The following ADAMTS12 variants were observed in gnomAD, a reference collection of about 807,000 sequenced individuals.
ADAMTS12 encodes the protein ADAM metallopeptidase with thrombospondin type 1 motif 12, also known as A disintegrin and metalloproteinase with thrombospondin motifs 12.
A neutral mutation model predicts 167.8 loss-of-function variants in ADAMTS12; 118 were observed. The observed-to-expected ratio is 0.70, with a 90% CI of 0.61 to 0.82. The LOEUF (loss-of-function observed/expected upper bound fraction) is 0.82. Ranked by LOEUF, ADAMTS12 falls within the 40% of genes least tolerant of loss-of-function variation. The pLI, the probability that ADAMTS12 is intolerant of heterozygous loss-of-function variation, is 0.00. For missense variants in ADAMTS12, 1,916 were observed against 1,998.8 expected (o/e 0.96, Z 0.79); for synonymous variants, 704 against 716.9 (o/e 0.98, Z 0.29).
chr5:33,654,874 T>TTGTGTGTGTGTGTGTGTGTGTG (rs34219097), intron 7 of ADAMTS12, among the ~76,000 whole-genome samples: 1 of 141,568 alleles, frequency 7.1e-6, no homozygotes, highest in African/African-American at 2.7e-5. Flanking sequence ...GTGGGTGATT[T>TTGTGTGTGTGTGTGTGTGTGTG]TGTGTGTGTG....
intron 2 of ADAMTS12, among the ~76,000 whole-genome samples, chr5:33,802,372 T>C (rs1455624284): frequency 6.6e-6 from 1 of 152,182 alleles, no homozygotes; most frequent in Non-Finnish European, 1.5e-5. Flanking sequence ...AGTACAACAT[T>C]GGATCCTAAT....
intron 2 of ADAMTS12, among the ~76,000 whole-genome samples, chr5:33,796,128 A>G (rs2112465108): frequency 6.6e-6 from 1 of 152,362 alleles, no homozygotes; most frequent in South Asian, 2.1e-4. Context: ...GCACATACGT[A>G]CTGTGGATAT....
chr5:33,680,510 TTC>T (rs1245977418), intron 5 of ADAMTS12, among the ~76,000 whole-genome samples: 1 of 1,218 alleles, frequency 8.2e-4, no homozygotes, highest in Non-Finnish European at 9.6e-3. Flanking sequence ...AGCTTTCTTC[TTC>T]TTTTTTTTTG....
In ADAMTS12 at chr5:33,881,127, G is replaced by A; in HGVS notation, c.481C>T (p.His161Tyr). Residue 161 changes from histidine to tyrosine, a missense_variant, in exon 2 of 24, where the codon CAT becomes TAT. His to Tyr is a moderately conservative substitution (Grantham distance 83). Transcript: ENST00000504830. ...CCAGAGCCCACACTCACCAGTCCAT[G>A]GCAGGCACTGAGGGCTGCCGTCCCA... ...RVGTAALSAC[H>Y]GLTGFFQLPH... 6.2e-7 allele frequency: 1 copy of A among 1,613,250 alleles called. No individual in the cohort carries two copies. Among genetic ancestry groups the A allele is most frequent in the Non-Finnish European group, 8.5e-7 (1 of 1,179,908 alleles).
chr5:33,768,895 AAT>A (rs1346537114), intron 2 of ADAMTS12, among the ~76,000 whole-genome samples: 1 of 152,032 alleles, frequency 6.6e-6, no homozygotes, highest in Non-Finnish European at 1.5e-5. Flanking sequence ...AGAATCTGTG[AAT>A]ATGTTAGATT....
intron 19 of ADAMTS12, among the ~76,000 whole-genome samples, chr5:33,563,624 C>A (rs1443632521): frequency 1.3e-5 from 2 of 152,192 alleles, no homozygotes; most frequent in Non-Finnish European, 2.9e-5. Flanking sequence ...ATTATGCTGT[C>A]ACTTCTATTT....
chr5:33,599,931 T>G (rs1738106098), intron 16 of ADAMTS12, among the ~76,000 whole-genome samples: 1 of 152,246 alleles, frequency 6.6e-6, no homozygotes, highest in South Asian at 2.1e-4. Context: ...TAAGTCTATG[T>G]GACCTTGATC....
At chr5:33,652,530 T>A (rs764557340) in intron 7 of ADAMTS12, among the ~76,000 whole-genome samples, 1 of 152,078 alleles carries the variant, frequency 6.6e-6, no homozygotes, top group African/African-American at 2.4e-5. Flanking sequence ...TCGATATTAG[T>A]CCTTTGTCAG....
chr5:33,578,749 CACTT>C (rs1561141864), intron 18 of ADAMTS12, among the ~76,000 whole-genome samples: 3 of 152,142 alleles, frequency 2.0e-5, no homozygotes, highest in Non-Finnish European at 4.4e-5. Flanking sequence ...CAAACATAAT[CACTT>C]ACTGATGTAA....
intron 3 of ADAMTS12, among the ~76,000 whole-genome samples, chr5:33,741,615 GCTCT>G (rs1415452143): frequency 5.9e-5 from 9 of 152,056 alleles, no homozygotes; most frequent in Admixed American, 4.6e-4. Flanking sequence ...TTGGAAAATG[GCTCT>G]CTAAGAATCC....
In ADAMTS12 at chr5:33,630,833, G is replaced by A. The variant is rs924325130; in HGVS notation, c.1969C>T (p.Pro657Ser). 2 of 1,613,590 alleles carry A rather than the reference G, an allele frequency of 1.2e-6. No homozygotes were observed. Among genetic ancestry groups the A allele is most frequent in the South Asian group, 1.1e-5 (1 of 91,050 alleles). The change falls in exon 13 of 24, where the codon CCT becomes TCT. Residue 657 changes from proline (P) to serine (S), a missense_variant. Coordinates refer to ENST00000504830, the MANE Select transcript of ADAMTS12 (RefSeq NM_030955.4). ...KMLDAVIDGT[P>S]CFEGGNSRNV... Reference sequence around the variant, plus strand: ...CTGCTGTTGCCGCCTTCAAAGCAAGGGGTACCATCAATGACAGCATCCAGC... The same window carrying A: ...CTGCTGTTGCCGCCTTCAAAGCAAGAGGTACCATCAATGACAGCATCCAGC...
chr5:33,862,711 G>A (rs1431024998), intron 2 of ADAMTS12, among the ~76,000 whole-genome samples: 1 of 152,124 alleles, frequency 6.6e-6, no homozygotes, highest in Admixed American at 6.6e-5. Context: ...GCATCACCCT[G>A]ATACCAAAAC....
intron 2 of ADAMTS12, among the ~76,000 whole-genome samples, chr5:33,807,875 A>G (rs1747301410): frequency 6.6e-6 from 1 of 152,016 alleles, no homozygotes; most frequent in Admixed American, 6.5e-5. Flanking sequence ...TCTGACAACG[A>G]GTTGGAGCTG....
intron 5 of ADAMTS12, among the ~76,000 whole-genome samples, chr5:33,672,129 CCACA>C (rs1741725928): frequency 6.8e-6 from 1 of 146,030 alleles, no homozygotes; most frequent in Non-Finnish European, 1.5e-5. Flanking sequence ...CCACACACAC[CCACA>C]TACATACACA....
intron 5 of ADAMTS12, among the ~76,000 whole-genome samples, chr5:33,679,851 G>A (rs1015966477): frequency 1.3e-5 from 2 of 152,190 alleles, no homozygotes; most frequent in African/African-American, 4.8e-5. Context: ...TGGACATGGA[G>A]CAATGATGTA....
intron 5 of ADAMTS12, among the ~76,000 whole-genome samples, chr5:33,669,023 G>A (rs902282152): frequency 3.3e-5 from 5 of 152,138 alleles, no homozygotes; most frequent in Admixed American, 2.0e-4. Flanking sequence ...AATGAAACAT[G>A]CATTTTAATA....
At chr5:33,822,846 G>T (rs1262986713) in intron 2 of ADAMTS12, among the ~76,000 whole-genome samples, 2 of 152,142 alleles carry the variant, frequency 1.3e-5, no homozygotes, top group African/African-American at 2.4e-5. Flanking sequence ...CCAGCACTTT[G>T]GGGGGCCAAG....
chr5:33,828,044 C>T (rs1036582391), intron 2 of ADAMTS12, among the ~76,000 whole-genome samples: 14 of 152,190 alleles, frequency 9.2e-5, no homozygotes, highest in African/African-American at 3.1e-4. Context: ...TCCTCCAGGG[C>T]ATATACCCAG....
intron 2 of ADAMTS12, among the ~76,000 whole-genome samples, chr5:33,835,947 CTCTCTCTGTGTGTG>C (rs749383157): frequency 6.8e-4 from 29 of 42,336 alleles, no homozygotes; most frequent in African/African-American, 1.8e-3. Context: ...CTCTCTCTCT[CTCTCTCTGTGTGTG>C]TGTGTGTGTC....
Sources: gnomAD v4.1 joint callset for allele counts (sites outside exome capture counted in the v4.1 genomes callset) on GRCh38, gnomAD v4.1.1 for gene constraint, MANE v1.5 for transcripts, NCBI Gene and HGNC (gene_info 2026-07-23, HGNC 2026-07-21) for gene names.